CDK19: variants seen among roughly 807,000 people sequenced by gnomAD.
CDK19 encodes cyclin-dependent kinase 19.
CDK19 carries 20 observed loss-of-function variants against 68.3 expected under a neutral mutation model. The observed-to-expected ratio is 0.29, with a 90% CI of 0.21 to 0.43. CDK19 has a LOEUF of 0.43. CDK19 is among the 20% of genes least tolerant of loss of function. The pLI is 1.00. For missense variants in CDK19, 339 were observed against 623.5 expected, an observed-to-expected ratio of 0.54 and a Z score of 4.86; for synonymous variants, 221 against 222.8, an observed-to-expected ratio of 0.99 and a Z score of 0.07.
chr6:110,727,445 G>A (rs1182583680), intron 2 of CDK19, among the ~76,000 whole-genome samples: 3 of 152,092 alleles, frequency 2.0e-5, no homozygotes, highest in Non-Finnish European at 4.4e-5. Context: ...CAGTCTTGTA[G>A]TATTAATTAT....
Position 110,804,138 on chromosome 6 carries a change from A to G in CDK19, c.128+10871T>C, listed in dbSNP as rs143508528. 5.7e-4 allele frequency among the ~76,000 whole-genome samples: 87 copies of G among 152,274 alleles called. 1 individual carries two copies. In the East Asian group the frequency reaches 0.016, roughly 29 times the overall value. ...CATGAATAGGTTTTGTTCTATAACT[A>G]CAGAACAAAACAAAGTTAACTGGCC... On this transcript the variant is annotated intron_variant, in intron 1 of 12. Transcript: ENST00000368911.
At chr6:110,634,320 G>A (rs527633541) in intron 5 of CDK19, among the ~76,000 whole-genome samples, 28 of 152,210 alleles carry the variant, frequency 1.8e-4, no homozygotes, top group African/African-American at 6.0e-4. Flanking sequence ...AGGTTCAAGC[G>A]ATTCTCCTGC....
intron 1 of CDK19, among the ~76,000 whole-genome samples, chr6:110,750,981 G>A (rs1261682327): frequency 6.6e-6 from 1 of 152,046 alleles, no homozygotes; most frequent in Admixed American, 6.5e-5. Context: ...GATTACAGGC[G>A]CATGCCACCA....
chr6:110,670,868 A>G, intron 2 of CDK19: 1 of 426,850 alleles, frequency 2.3e-6, no homozygotes, highest in East Asian at 6.5e-5. Context: ...AACAAAAGTA[A>G]TATCATATCA....
intron 1 of CDK19, among the ~76,000 whole-genome samples, chr6:110,768,261 G>A (rs1444101669): frequency 1.3e-5 from 2 of 152,208 alleles, no homozygotes; most frequent in Non-Finnish European, 2.9e-5. Flanking sequence ...AGGATGTGGA[G>A]CAATAGGAAT....
At chr6:110,619,977 T>C (rs1778603727) in intron 12 of CDK19, among the ~76,000 whole-genome samples, 1 of 152,220 alleles carries the variant, frequency 6.6e-6, no homozygotes, top group African/African-American at 2.4e-5. Flanking sequence ...TAGTAAGCAT[T>C]TGTTGCTCAT....
rs894547413 is a variant in CDK19 at position 110,613,981 on chromosome 6, A to G, written c.*554T>C. 6.6e-6 allele frequency: 1 copy of G among 152,650 alleles called. No homozygotes were observed. Among genetic ancestry groups the G allele is most frequent in the Non-Finnish European group, 1.5e-5 (1 of 68,048 alleles). 9.5% of individuals were successfully genotyped at this position (152,650 alleles called of 1,614,324 possible). ...ATTAGACCTTCCCTGAAACTAGATAAATACGAACGTAATAGTAAAGTACTT... is the reference window on the plus strand; with the variant it reads ...ATTAGACCTTCCCTGAAACTAGATAGATACGAACGTAATAGTAAAGTACTT... On this transcript the variant is annotated 3_prime_UTR_variant, in exon 13 of 13. Coordinates refer to ENST00000368911, the MANE Select transcript of CDK19 (RefSeq NM_015076.5).
At chr6:110,784,430 G>A (rs954989946) in intron 1 of CDK19, among the ~76,000 whole-genome samples, 2 of 152,040 alleles carry the variant, frequency 1.3e-5, no homozygotes, top group Admixed American at 1.3e-4. Context: ...AAACCACAGT[G>A]AGCTACCACT....
chr6:110,617,658 T>TACAC (rs1215973435), intron 12 of CDK19, among the ~76,000 whole-genome samples: 107 of 69,044 alleles, frequency 1.5e-3, no homozygotes, highest in African/African-American at 3.0e-3. Flanking sequence ...TATTTATATA[T>TACAC]ATATACACAC....
chr6:110,641,691 A>G (rs1336748067), intron 4 of CDK19, among the ~76,000 whole-genome samples: 6 of 151,340 alleles, frequency 4.0e-5, no homozygotes, highest in Admixed American at 1.3e-4. Flanking sequence ...GGAAGGAGGG[A>G]CAAGGCAGAG....
At chr6:110,739,318 A>G (rs1236464581) in intron 2 of CDK19, among the ~76,000 whole-genome samples, 1 of 152,178 alleles carries the variant, frequency 6.6e-6, no homozygotes, top group Non-Finnish European at 1.5e-5. Context: ...ATGTGGAGAC[A>G]CAGGGAGAAG....
At chr6:110,784,473 A>G (rs1160641596) in intron 1 of CDK19, among the ~76,000 whole-genome samples, 1 of 152,196 alleles carries the variant, frequency 6.6e-6, no homozygotes, top group African/African-American at 2.4e-5. Flanking sequence ...AATCAGAAAG[A>G]TAGACAATAC....
At chr6:110,762,333 C>T (rs981466198) in intron 1 of CDK19, among the ~76,000 whole-genome samples, 1 of 152,074 alleles carries the variant, frequency 6.6e-6, no homozygotes, top group Non-Finnish European at 1.5e-5. Flanking sequence ...TTAAGCTTTC[C>T]AGAAATTTTG....
In CDK19 at chr6:110,792,045, AC is replaced by A. The variant is rs1331602499; in HGVS notation, c.128+22963del. 9.9e-5 allele frequency among the ~76,000 whole-genome samples: 15 copies of A among 151,086 alleles called. No individual in the cohort carries two copies. The East Asian group carries it at 2.9e-3, about 30-fold the overall frequency. On this transcript the variant is annotated intron_variant, in intron 1 of 12. Coordinates refer to ENST00000368911, the MANE Select transcript of CDK19 (RefSeq NM_015076.5). ...GAGTGCAGTGGCATGATCTCAGCTC[AC>A]TGCAACCTCTGCCTCCCGGGTTCAA...
chr6:110,740,624 CATCCCACTAT>C (rs1406035916), intron 2 of CDK19, among the ~76,000 whole-genome samples: 1 of 152,178 alleles, frequency 6.6e-6, no homozygotes, highest in African/African-American at 2.4e-5. Context: ...ATTTTCCCAG[CATCCCACTAT>C]ATCCTCAACA....
In CDK19 at chr6:110,815,193, C is replaced by T. The variant is rs550098160; in HGVS notation, c.-57G>A. ...GGGGGCCGCCGCCGCTCAGTCCCTC[C>T]TCCTCCTCCCCCCGCGACCGCCGCT... On this transcript the variant is annotated 5_prime_UTR_variant, in exon 1 of 13. Coordinates refer to ENST00000368911, the MANE Select transcript of CDK19 (RefSeq NM_015076.5). The T allele has an allele frequency of 4.7e-6, 7 of 1,493,624 alleles. No individual in the cohort carries two copies. In the South Asian group the frequency reaches 5.1e-5, roughly 11 times the overall value. The allele number at this position is 1,493,624 out of a possible 1,614,324, so 92.5% of individuals were successfully genotyped here.
At chr6:110,787,965 G>A (rs1019991467) in intron 1 of CDK19, among the ~76,000 whole-genome samples, 3 of 151,666 alleles carry the variant, frequency 2.0e-5, no homozygotes, top group East Asian at 1.9e-4. Context: ...TCAGCCTCCT[G>A]AGGAGCTGGG....
At chr6:110,755,669 G>GA (rs1038935371) in intron 1 of CDK19, among the ~76,000 whole-genome samples, 45 of 152,218 alleles carry the variant, frequency 3.0e-4, no homozygotes, top group Non-Finnish European at 5.9e-4. Flanking sequence ...TACAAGAGGT[G>GA]AAAAAACACA....
chr6:110,775,316 A>T (rs1287931305), intron 1 of CDK19, among the ~76,000 whole-genome samples: 1 of 152,184 alleles, frequency 6.6e-6, no homozygotes, highest in East Asian at 1.9e-4. Context: ...AGAATGGCAA[A>T]TCCTGCAGCT....
Sources: gnomAD v4.1 joint callset for allele counts (sites outside exome capture counted in the v4.1 genomes callset) on GRCh38, gnomAD v4.1.1 for gene constraint, MANE v1.5 for transcripts, NCBI Gene and HGNC (gene_info 2026-07-23, HGNC 2026-07-21) for gene names.